ATM: variants seen among roughly 807,000 people sequenced by gnomAD.
The protein encoded by ATM is serine-protein kinase ATM.
A neutral mutation model predicts 387.0 loss-of-function variants in ATM; 308 were observed. The observed-to-expected ratio is 0.80, with a 90% confidence interval of 0.73 to 0.87. The LOEUF is 0.87. ATM is among the 40% of genes least tolerant of loss of function. The pLI is 0.00. For missense variants in ATM, 3,312 were observed against 3,560.9 expected, an observed-to-expected ratio of 0.93 and a Z score of 1.78; for synonymous variants, 1,156 against 1,187.3, an observed-to-expected ratio of 0.97 and a Z score of 0.54.
At position 108,257,499 on chromosome 11, in the gene ATM, G is replaced by A. The variant is rs587779819; in HGVS notation, c.2269G>A (p.Gly757Arg). The change falls in exon 15 of 63, where the codon GGA becomes AGA. Residue 757 changes from glycine to arginine, a missense_variant. Gly to Arg is a moderately radical substitution (Grantham distance 125). Coordinates refer to ENST00000675843, the MANE Select transcript of ATM (RefSeq NM_000051.4). ...ACAATAGTCTCTAATGCAATGTGCA[G>A]GAGAAAGTATCACTCTGTTTAAAAA... is the stretch of plus-strand genomic sequence containing the variant. ...QKAKSLMQCA[G>R]ESITLFKNKT... 1.1e-5 allele frequency: 18 copies of A among 1,613,196 alleles called. No individual in the cohort carries two copies. The highest frequency in any genetic ancestry group is 1.5e-5 in the Non-Finnish European group (18 of 1,179,718).
rs148401509 is a variant in ATM, at chr11:108,256,464, T to G, written c.2250+124T>G. On this transcript the variant is annotated intron_variant, in intron 14 of 62. Transcript: ENST00000675843. ...AGGTTAACCCTTTCTCTTTTATTTA[T>G]GTAATGTGAGAAGAAATTATACTAT... 2.0e-4 allele frequency: 189 copies of G among 946,554 alleles called. 1 individual carries two copies. The African/African-American group carries it at 2.6e-3, about 13-fold the overall frequency. The allele number at this position is 946,554 out of a possible 1,614,324, so 58.6% of individuals were successfully genotyped here.
intron 56 of ATM, among the ~76,000 whole-genome samples, chr11:108,341,512 T>A (rs1189344287): frequency 6.6e-6 from 1 of 152,160 alleles, no homozygotes; most frequent in African/African-American, 2.4e-5. Flanking sequence ...GTGTGTAACA[T>A]GTAATACGCC....
chr11:108,356,915 T>G (rs1466528326), intron 61 of ATM, among the ~76,000 whole-genome samples: 1 of 152,180 alleles, frequency 6.6e-6, no homozygotes, highest in Non-Finnish European at 1.5e-5. Context: ...AACTGTCACC[T>G]TTAAACACAC....
chr11:108,294,933 A>C lies in ATM; in HGVS notation c.4783A>C (p.Asn1595His). 1 of 1,613,788 alleles carries C rather than the reference A, an allele frequency of 6.2e-7. No homozygotes were observed. Among genetic ancestry groups the C allele is most frequent in the Middle Eastern group, 1.7e-4 (1 of 6,054 alleles). ...RGPFSLLEEI[N>H]HFLSVSVYDA... ...GTTACATTTTCTCTTTTAGGAAATT[A>C]ACCATTTTCTCTCAGTAAGTGTTTA... is the stretch of plus-strand genomic sequence containing the variant. The change falls in exon 32 of 63, where the codon AAC (asparagine) becomes CAC (histidine). Residue 1595 changes from asparagine to histidine, a missense_variant. Coordinates refer to ENST00000675843, the MANE Select transcript of ATM (RefSeq NM_000051.4).
chr11:108,244,751 C>G (rs4987919), intron 6 of ATM, 37 bp from the exon 7 acceptor site: 1 of 1,498,044 alleles, frequency 6.7e-7, no homozygotes, highest in South Asian at 1.1e-5. Context: ...TTTGTTCCCC[C>G]TGTTATACCC....
At chr11:108,331,755 G>A (rs2086266439) in intron 51 of ATM, 124 bp from the exon 52 acceptor site, 1 of 1,311,010 alleles carries the variant, frequency 7.6e-7, no homozygotes, top group East Asian at 2.5e-5. Flanking sequence ...ACACATGCAG[G>A]CATACACGCT....
intron 11 of ATM, 123 bp downstream of exon 11, chr11:108,252,154 T>G: frequency 3.6e-6 from 3 of 834,594 alleles, no homozygotes; most frequent in East Asian, 2.7e-5. Context: ...GATCTAACCT[T>G]AATTATTAAA....
chr11:108,333,488 A>G (rs1049362503), intron 53 of ATM, among the ~76,000 whole-genome samples: 3 of 152,220 alleles, frequency 2.0e-5, no homozygotes, highest in Admixed American at 2.0e-4. Flanking sequence ...TTACTTGAAA[A>G]CGAATGGGAC....
chr11:108,304,921 A>G, intron 37 of ATM, 69 bp downstream of exon 37: 1 of 1,536,774 alleles, frequency 6.5e-7, no homozygotes, highest in Non-Finnish European at 8.9e-7. Context: ...TTAAGATGGA[A>G]TCCCACTAAA....
chr11:108,366,524 T>C lies in ATM; in HGVS notation c.*1016T>C. On this transcript the variant is annotated 3_prime_UTR_variant, in exon 63 of 63. Transcript: ENST00000675843. ...ATTTTTGTATTTGATAGGCTGTTCA[T>C]CCAGTTTTGTCTTTTTGAAAAGTGA... 4.4e-6 allele frequency: 1 copy of C among 228,518 alleles called. No individual in the cohort carries two copies. The allele number at this position is 228,518 out of a possible 1,614,324, so 14.2% of individuals were successfully genotyped here. A position where few individuals can be genotyped will look rare whatever the true frequency, so the allele number is the denominator to read the frequency against.
At position 108,271,336 on chromosome 11, in the gene ATM, C is replaced by A. The variant is rs1555085143; in HGVS notation, c.3007C>A (p.Gln1003Lys). 1 of 1,613,638 alleles carries A rather than the reference C, an allele frequency of 6.2e-7. No individual in the cohort carries two copies. The highest frequency in any genetic ancestry group is 1.1e-5 in the South Asian group (1 of 91,056). The stretch of plus-strand genomic sequence containing the variant: ...CCTTCATGTAGTGAAAAACCTAGGT[C>A]AAAGCAATATGGACTCTGAGAACAC... ...HVLHVVKNLG[Q>K]SNMDSENTRD... Residue 1003 changes from glutamine to lysine, a missense_variant, in exon 20 of 63, where the codon CAA (glutamine) becomes AAA (lysine). This residue lies in a region of ATM where 1,791 missense variants were observed against 1,804.5 expected (regional missense o/e 0.99). Coordinates refer to ENST00000675843, the MANE Select transcript of ATM (RefSeq NM_000051.4).
rs2091433851 is a variant in ATM at position 108,368,246 on chromosome 11, GC to G, written c.*2740del. 1 of 204,160 alleles carries G rather than the reference GC, an allele frequency of 4.9e-6. No homozygotes were observed. The highest frequency in any genetic ancestry group is 9.8e-6 in the Non-Finnish European group (1 of 101,674). 12.6% of individuals were successfully genotyped at this position (204,160 alleles called of 1,614,324 possible). ...TTGTAATTTTAGTAGAGACAGGGTT[GC>G]CATTGTATTCCAGCCTTGGCGACAG... On this transcript the variant is annotated 3_prime_UTR_variant, in exon 63 of 63. Coordinates refer to ENST00000675843, the MANE Select transcript of ATM (RefSeq NM_000051.4).
At chr11:108,288,297 A>G (rs1421179943) in intron 27 of ATM, among the ~76,000 whole-genome samples, 1 of 151,690 alleles carries the variant, frequency 6.6e-6, no homozygotes, top group Non-Finnish European at 1.5e-5. Flanking sequence ...CTGGTCTTGA[A>G]CTTCTGGCCT....
chr11:108,247,051 GA>G lies in ATM; in HGVS notation c.992del (p.Lys331SerfsTer15), dbSNP rs1060501684. The G allele has an allele frequency of 1.2e-6, 2 of 1,613,794 alleles. No individual in the cohort carries two copies. Among genetic ancestry groups the G allele is most frequent in the Non-Finnish European group, 8.5e-7 (1 of 1,179,798 alleles). Reference protein sequence around the residue: ...VNEISHIGSRGKYSSGFRNIA... With the variant: ...VNEISHIGSRXKYSSGFRNIA... ...GAGATAAGTCATATAGGAAGTAGAGGAAAGTATTCTTCAGGATTTCGTAATA... is the reference window on the plus strand; with the variant it reads ...GAGATAAGTCATATAGGAAGTAGAGGAAGTATTCTTCAGGATTTCGTAATA... On this transcript the variant is annotated frameshift_variant, in exon 8 of 63. Transcript: ENST00000675843. LOFTEE classifies it high-confidence loss of function.
rs201963507 is a variant in ATM, at chr11:108,310,287, A to G, written c.5890A>G (p.Lys1964Glu). 122 of 1,613,438 alleles carry G rather than the reference A, an allele frequency of 7.6e-5. 1 individual carries two copies. In the Middle Eastern group the frequency reaches 8.2e-4, roughly 11 times the overall value. Residue 1964 changes from lysine to glutamate, a missense_variant, in exon 39 of 63, where the codon AAG becomes GAG. Around this residue, in one of 4 missense-constraint regions of ATM, gnomAD observed 1,405 missense variants for 1,604.4 expected, o/e 0.88. Coordinates refer to ENST00000675843, the MANE Select transcript of ATM (RefSeq NM_000051.4). ...ACTCTATGCAGAAATCTATGCAGAT[A>G]AGAAAAGTATGGATGATCAAGAGAA... The part of the protein sequence containing the change: ...ALLYAEIYAD[K>E]KSMDDQEKRS...
chr11:108,295,444 A>G, intron 32 of ATM: 1 of 234,908 alleles, frequency 4.3e-6, no homozygotes, highest in South Asian at 5.7e-5. Context: ...CTCCTGTCTC[A>G]GCCTTCTGAA....
At chr11:108,330,066 T>G (rs762519330) in intron 49 of ATM, 148 bp from the exon 50 acceptor site, 8 of 806,150 alleles carry the variant, frequency 9.9e-6, no homozygotes, top group Non-Finnish European at 1.6e-5. Flanking sequence ...CAAAAGTAAG[T>G]TTATTCCCTT....
chr11:108,348,662 G>A (rs966065298), intron 59 of ATM, among the ~76,000 whole-genome samples: 3 of 151,824 alleles, frequency 2.0e-5, no homozygotes, highest in Admixed American at 6.6e-5. Flanking sequence ...GAGGTTATAT[G>A]CAAAAGAACA....
At chr11:108,299,971 C>T (rs531375734) in intron 34 of ATM, 86 bp downstream of exon 34, 929 of 1,309,900 alleles carry the variant, frequency 7.1e-4, no homozygotes, top group South Asian at 1.8e-3. Flanking sequence ...TTCTCAGTAA[C>T]TAAAGCTTTG....
Sources: gnomAD v4.1 joint callset for allele counts (sites outside exome capture counted in the v4.1 genomes callset) on GRCh38, gnomAD v4.1.1 for gene constraint, gnomAD v4.1.1 regional missense constraint, MANE v1.5 for transcripts, NCBI Gene and HGNC (gene_info 2026-07-23, HGNC 2026-07-21) for gene names.